The following KLHL5 variants were observed in gnomAD, a reference collection of about 807,000 sequenced individuals.
The protein encoded by KLHL5 is kelch like family member 5, also known as kelch-like protein 5.
Under a neutral mutation model 77.7 loss-of-function variants are expected in KLHL5, and 48 were observed. That is an observed-to-expected ratio of 0.62 (90% CI 0.49 to 0.79). KLHL5 has a LOEUF of 0.79. KLHL5 is among the 30% of genes least tolerant of loss of function. The pLI is 0.00. For synonymous variants in KLHL5, 260 were observed against 297.0 expected (o/e 0.88, Z 1.28); for missense variants, 723 against 859.7 (o/e 0.84, Z 1.99).
chr4:39,086,403 T>C, intron 4 of KLHL5, 112 bp from the exon 5 acceptor site: 1 of 819,678 alleles, frequency 1.2e-6, no homozygotes, highest in Non-Finnish European at 2.0e-6. Flanking sequence ...TTGTAAGGTC[T>C]AAAATATAAA....
At chr4:39,097,829 T>C (rs1383513827) in intron 6 of KLHL5, among the ~76,000 whole-genome samples, 4 of 152,086 alleles carry the variant, frequency 2.6e-5, no homozygotes, top group Non-Finnish European at 5.9e-5. Flanking sequence ...GATAATAACA[T>C]TGTATAAATG....
chr4:39,047,479 A>T (rs1354350959), intron 1 of KLHL5, among the ~76,000 whole-genome samples: 1 of 152,252 alleles, frequency 6.6e-6, no homozygotes, highest in East Asian at 1.9e-4. Context: ...ATTTCTTACA[A>T]CTGAGGTTTA....
chr4:39,107,542 C>A (rs578046398), intron 7 of KLHL5, 27 bp from the exon 8 acceptor site: 12 of 1,547,916 alleles, frequency 7.8e-6, no homozygotes, highest in Admixed American at 1.8e-5. Flanking sequence ...AATCTGAAGT[C>A]GTTAATTGTT....
intron 10 of KLHL5, among the ~76,000 whole-genome samples, chr4:39,118,703 C>A (rs1723019093): frequency 6.6e-6 from 1 of 151,954 alleles, no homozygotes; most frequent in Non-Finnish European, 1.5e-5. Context: ...TTGCAGTAAG[C>A]CAAGATCACG....
intron 5 of KLHL5, among the ~76,000 whole-genome samples, chr4:39,091,037 G>A (rs1720497292): frequency 6.8e-6 from 1 of 147,428 alleles, no homozygotes; most frequent in Admixed American, 6.9e-5. Flanking sequence ...GCACAGGCTG[G>A]AGTGCAGTGA....
intron 1 of KLHL5, among the ~76,000 whole-genome samples, chr4:39,056,337 C>G (rs1717003119): frequency 6.6e-6 from 1 of 152,312 alleles, no homozygotes; most frequent in South Asian, 2.1e-4. Flanking sequence ...TCTCGAATTC[C>G]TGACCTCAAG....
At chr4:39,068,070 T>G (rs1718068045) in intron 1 of KLHL5, among the ~76,000 whole-genome samples, 1 of 152,048 alleles carries the variant, frequency 6.6e-6, no homozygotes, top group African/African-American at 2.4e-5. Context: ...AAACTCTTAT[T>G]TTTTGGTCAG....
chr4:39,064,750 C>T (rs1422284703), intron 1 of KLHL5, among the ~76,000 whole-genome samples: 1 of 151,690 alleles, frequency 6.6e-6, no homozygotes, highest in Admixed American at 6.6e-5. Context: ...GTGGGCTATT[C>T]ATTATGAAAT....
At chr4:39,077,703 A>C (rs968058361) in intron 2 of KLHL5, among the ~76,000 whole-genome samples, 23 of 151,336 alleles carry the variant, frequency 1.5e-4, no homozygotes, top group South Asian at 2.1e-4. Context: ...GTAAAAAAAA[A>C]AAAAAACAAA....
At chr4:39,052,788 G>A (rs1716746127) in intron 1 of KLHL5, among the ~76,000 whole-genome samples, 1 of 152,166 alleles carries the variant, frequency 6.6e-6, no homozygotes, top group African/African-American at 2.4e-5. Flanking sequence ...TGATGGCCTG[G>A]TTTCTGCATG....
chr4:39,140,422 G>A, the KLHL5 span, among the ~76,000 whole-genome samples: 1 of 152,106 alleles, frequency 6.6e-6, no homozygotes, highest in Non-Finnish European at 1.5e-5. Flanking sequence ...GTCTTTGTAG[G>A]AAATACAAAC....
intron 7 of KLHL5, among the ~76,000 whole-genome samples, chr4:39,105,463 A>T (rs1453351971): frequency 1.3e-5 from 2 of 151,972 alleles, no homozygotes; most frequent in African/African-American, 4.8e-5. Context: ...TTATTTTCAA[A>T]GTCATTTTTT....
In KLHL5 at chr4:39,122,407, G is replaced by GC. The variant is rs1343250777; in HGVS notation, c.*1345dup. ...AGGAAATTGGGGTACAGAGAAGTTA[G>GC]CCCCAAGGTTATATATTGCAAGTAA... On this transcript the variant is annotated 3_prime_UTR_variant, in exon 11 of 11. Coordinates refer to ENST00000504108, the MANE Select transcript of KLHL5 (RefSeq NM_015990.5). Among the ~76,000 whole-genome samples the GC allele has an allele frequency of 1.2e-4, 18 of 152,274 alleles. No individual in the cohort carries two copies. The highest frequency in any genetic ancestry group is 6.8e-3 in the Middle Eastern group (2 of 294).
At chr4:39,048,416 G>T (rs1716364069) in intron 1 of KLHL5, among the ~76,000 whole-genome samples, 1 of 152,184 alleles carries the variant, frequency 6.6e-6, no homozygotes, top group Non-Finnish European at 1.5e-5. Context: ...GGGGTTTGCT[G>T]AGTATACCAG....
rs192371933 is a variant in KLHL5 at position 39,122,759 on chromosome 4, G to A, written c.*1693G>A. ...ACCCAGGAGGAGGAGCTTGCAGTGT[G>A]CCAAGATCGCACCACTGCACTCCAG... On this transcript the variant is annotated 3_prime_UTR_variant, in exon 11 of 11. Transcript: ENST00000504108. Among the ~76,000 whole-genome samples the A allele has an allele frequency of 1.2e-3, 187 of 152,094 alleles. No individual in the cohort carries two copies. Among genetic ancestry groups the A allele is most frequent in the Non-Finnish European group, 2.2e-3 (153 of 68,020 alleles).
chr4:39,102,131 A>G (rs1208339881), intron 6 of KLHL5, among the ~76,000 whole-genome samples: 1 of 151,262 alleles, frequency 6.6e-6, no homozygotes, highest in African/African-American at 2.4e-5. Flanking sequence ...GAAGTTATCA[A>G]TAATACTAGT....
At chr4:39,134,367 G>A in the KLHL5 span, among the ~76,000 whole-genome samples, 1 of 152,196 alleles carries the variant, frequency 6.6e-6, no homozygotes, top group African/African-American at 2.4e-5. Flanking sequence ...TCATATGTAT[G>A]TTAACTCATT....
intron 1 of KLHL5, among the ~76,000 whole-genome samples, chr4:39,053,894 C>T (rs866906115): frequency 2.0e-5 from 3 of 152,126 alleles, no homozygotes; most frequent in South Asian, 4.1e-4. Flanking sequence ...TTGTAAGAAA[C>T]AGCAGCAGCA....
At chr4:39,066,295 A>G (rs1426003259) in intron 1 of KLHL5, among the ~76,000 whole-genome samples, 1 of 152,088 alleles carries the variant, frequency 6.6e-6, no homozygotes, top group Non-Finnish European at 1.5e-5. Context: ...AGCAAAATCT[A>G]TATGGCGGCC....
Sources: gnomAD v4.1 joint callset for allele counts (sites outside exome capture counted in the v4.1 genomes callset) on GRCh38, gnomAD v4.1.1 for gene constraint, MANE v1.5 for transcripts, NCBI Gene and HGNC (gene_info 2026-07-23, HGNC 2026-07-21) for gene names.